FRS2: variants seen among roughly 807,000 people sequenced by gnomAD.
FRS2 encodes the protein FGFR signalling adaptor.
FRS2 carries 8 observed loss-of-function variants against 43.9 expected under a neutral mutation model. The observed-to-expected ratio is 0.18, with a 90% confidence interval of 0.11 to 0.33. The LOEUF is 0.33. Among genes scored for constraint, FRS2 ranks in the 10% least tolerant of loss-of-function variants. The pLI, the probability that FRS2 is intolerant of heterozygous loss-of-function variation, is 1.00. For synonymous variants in FRS2, 219 were observed against 220.3 expected, an observed-to-expected ratio of 0.99 and a Z score of 0.05; for missense variants, 534 against 627.6, an observed-to-expected ratio of 0.85 and a Z score of 1.59.
chr12:69,549,715 G>A (rs1211135280), intron 3 of FRS2, among the ~76,000 whole-genome samples: 5 of 152,184 alleles, frequency 3.3e-5, no homozygotes, highest in Admixed American at 2.0e-4. Flanking sequence ...GAAGACAATT[G>A]TCTGTCTCTG....
chr12:69,524,209 A>C (rs935050185), intron 1 of FRS2, among the ~76,000 whole-genome samples: 2 of 151,930 alleles, frequency 1.3e-5, no homozygotes, highest in African/African-American at 4.8e-5. Flanking sequence ...CAGTGCTCCT[A>C]TGACAGTGGT....
At chr12:69,508,024 C>CAAA (rs11365179) in intron 1 of FRS2, among the ~76,000 whole-genome samples, 36 of 47,594 alleles carry the variant, frequency 7.6e-4, no homozygotes, top group South Asian at 1.5e-3. Flanking sequence ...AACCCCGTCT[C>CAAA]AAAAAAAAAA....
intron 4 of FRS2, among the ~76,000 whole-genome samples, chr12:69,566,137 A>G (rs780846182): frequency 1.4e-4 from 22 of 152,128 alleles, no homozygotes; most frequent in Non-Finnish European, 2.6e-4. Context: ...CCAACCAAAC[A>G]TTTGTTATGT....
chr12:69,518,713 TAA>T (rs71094718), intron 1 of FRS2, among the ~76,000 whole-genome samples: 4 of 143,456 alleles, frequency 2.8e-5, no homozygotes, highest in Non-Finnish European at 4.6e-5. Context: ...AACCCTGTCT[TAA>T]AAAAAAAAAA....
At chr12:69,558,564 A>C (rs183721852) in intron 3 of FRS2, among the ~76,000 whole-genome samples, 1 of 152,108 alleles carries the variant, frequency 6.6e-6, no homozygotes, top group Non-Finnish European at 1.5e-5. Context: ...GGGGTTTTGC[A>C]TGCTTTCTTC....
chr12:69,508,934 T>C (rs1231512017), intron 1 of FRS2, among the ~76,000 whole-genome samples: 1 of 152,230 alleles, frequency 6.6e-6, no homozygotes, highest in Non-Finnish European at 1.5e-5. Flanking sequence ...GTTTAGTGTT[T>C]ATTAAGACTA....
At chr12:69,499,854 C>G (rs1873274513) in intron 1 of FRS2, among the ~76,000 whole-genome samples, 1 of 151,966 alleles carries the variant, frequency 6.6e-6, no homozygotes, top group South Asian at 2.1e-4. Flanking sequence ...GGTATAGTAT[C>G]CCAAGTTGGA....
intron 1 of FRS2, among the ~76,000 whole-genome samples, chr12:69,479,390 C>CTTTTTTTTTTTTTTTTTTTTTTT (rs57688271): frequency 8.4e-6 from 1 of 119,664 alleles, no homozygotes; most frequent in Non-Finnish European, 1.7e-5. Context: ...TCTGTTGTTT[C>CTTTTTTTTTTTTTTTTTTTTTTT]TTTTTTTTTT....
intron 1 of FRS2, among the ~76,000 whole-genome samples, chr12:69,513,032 T>C (rs1396182010): frequency 6.6e-6 from 1 of 152,128 alleles, no homozygotes; most frequent in Non-Finnish European, 1.5e-5. Context: ...GGTAAGTTGC[T>C]CAACTCTCAA....
At chr12:69,561,712 T>C (rs1315886314) in intron 3 of FRS2, among the ~76,000 whole-genome samples, 4 of 152,156 alleles carry the variant, frequency 2.6e-5, no homozygotes, top group African/African-American at 7.2e-5. Flanking sequence ...TAGGAAGATA[T>C]GGGGGATGGA....
intron 1 of FRS2, among the ~76,000 whole-genome samples, chr12:69,485,107 A>ACGCGCG (rs1565717146): frequency 1.4e-5 from 2 of 147,164 alleles, no homozygotes; most frequent in African/African-American, 5.2e-5. Context: ...ACACACACAC[A>ACGCGCG]CACACACACA....
At chr12:69,483,943 T>C (rs1264257364) in intron 1 of FRS2, among the ~76,000 whole-genome samples, 2 of 152,206 alleles carry the variant, frequency 1.3e-5, no homozygotes, top group Non-Finnish European at 2.9e-5. Context: ...CCCAACTTAC[T>C]AGGCGAGAAA....
intron 2 of FRS2, 139 bp downstream of exon 2, chr12:69,531,099 G>A (rs1876746691): frequency 1.3e-5 from 2 of 152,038 alleles, no homozygotes; most frequent in African/African-American, 4.8e-5. Flanking sequence ...GGAGGCCGAG[G>A]CAAGTGGATC....
At chr12:69,499,563 C>A (rs889839066) in intron 1 of FRS2, among the ~76,000 whole-genome samples, 35 of 152,056 alleles carry the variant, frequency 2.3e-4, no homozygotes, top group African/African-American at 7.5e-4. Flanking sequence ...AAAGCATCCA[C>A]AAGGCTACAT....
chr12:69,482,984 A>C (rs1871478309), intron 1 of FRS2, among the ~76,000 whole-genome samples: 2 of 152,218 alleles, frequency 1.3e-5, no homozygotes, highest in Admixed American at 6.5e-5. Flanking sequence ...TCCCACTCTC[A>C]GAAAAGTTTA....
At chr12:69,512,605 T>C (rs928648834) in intron 1 of FRS2, among the ~76,000 whole-genome samples, 5 of 152,166 alleles carry the variant, frequency 3.3e-5, no homozygotes, top group Non-Finnish European at 7.4e-5. Context: ...ATTCATGGTG[T>C]TTAGGTATAT....
intron 1 of FRS2, among the ~76,000 whole-genome samples, chr12:69,497,847 A>G (rs1476278194): frequency 6.6e-6 from 1 of 152,210 alleles, no homozygotes; most frequent in Non-Finnish European, 1.5e-5. Flanking sequence ...CTTGGGTGAG[A>G]TAGAAAGTCC....
At chr12:69,562,037 A>G (rs1219355973) in intron 3 of FRS2, 143 bp from the exon 4 acceptor site, 3 of 384,734 alleles carry the variant, frequency 7.8e-6, no homozygotes, top group African/African-American at 6.2e-5. Context: ...TTGATGTTAT[A>G]TGTTAAATAC....
At chr12:69,552,302 CAA>C (rs35353764) in intron 3 of FRS2, among the ~76,000 whole-genome samples, 42 of 51,372 alleles carry the variant, frequency 8.2e-4, no homozygotes, top group East Asian at 5.6e-3. Flanking sequence ...AACTCCGTCT[CAA>C]AAAAAAAAAA....
Sources: gnomAD v4.1 joint callset for allele counts (sites outside exome capture counted in the v4.1 genomes callset) on GRCh38, gnomAD v4.1.1 for gene constraint, MANE v1.5 for transcripts, NCBI Gene and HGNC (gene_info 2026-07-23, HGNC 2026-07-21) for gene names.